Variants in FBXL4 observed in about 807,000 individuals in gnomAD.
FBXL4 encodes F-box/LRR-repeat protein 4.
FBXL4 carries 40 observed loss-of-function variants against 58.9 expected under a neutral mutation model. The ratio of observed to expected loss-of-function variants is 0.68; its 90% CI spans 0.53 to 0.88. The LOEUF is 0.88. Ranked by LOEUF, FBXL4 falls within the 40% of genes least tolerant of loss-of-function variation. The probability of loss-of-function intolerance (pLI) is 0.00; values close to 1 mark genes in which losing one functional copy is unlikely to be tolerated. For synonymous variants in FBXL4, 263 were observed against 265.5 expected (o/e 0.99, Z 0.09); for missense variants, 676 against 734.4 (o/e 0.92, Z 0.92).
At chr6:98,894,152 C>T (rs1273200316) in intron 7 of FBXL4, among the ~76,000 whole-genome samples, 3 of 152,192 alleles carry the variant, frequency 2.0e-5, no homozygotes, top group Non-Finnish European at 4.4e-5. Flanking sequence ...CAGGCATGAG[C>T]CCCTGAGCCC....
At position 98,869,289 on chromosome 6, in the gene FBXL4, G is replaced by A. The variant is rs1770433006; in HGVS notation, c.*4989C>T. On this transcript the variant is annotated 3_prime_UTR_variant, in exon 10 of 10. Coordinates refer to ENST00000369244, the MANE Select transcript of FBXL4 (RefSeq NM_001278716.2). The stretch of plus-strand genomic sequence containing the variant: ...ATGTAAATTCCTGTGTCTGTAATAG[G>A]TATCCTTTAATAGCTGAAAGTAACA... 1 of 152,164 alleles carries A rather than the reference G, an allele frequency of 6.6e-6. No individual in the cohort carries two copies. Among genetic ancestry groups the A allele is most frequent in the Non-Finnish European group, 1.5e-5 (1 of 68,032 alleles). The allele number at this position is 152,164 out of a possible 1,614,324, so 9.4% of individuals were successfully genotyped here. A position where few individuals can be genotyped will look rare whatever the true frequency, so the allele number is the denominator to read the frequency against.
rs10633715 is a variant in FBXL4, at chr6:98,920,819, TACACACAC to T, written c.513-3108_513-3101del. Among the ~76,000 whole-genome samples the T allele has an allele frequency of 1.8e-3, 254 of 144,908 alleles. 1 individual carries two copies. The highest frequency in any genetic ancestry group is 5.0e-3 in the East Asian group (24 of 4,834). On this transcript the variant is annotated intron_variant, in intron 4 of 9. Coordinates refer to ENST00000369244, the MANE Select transcript of FBXL4 (RefSeq NM_001278716.2). The stretch of plus-strand genomic sequence containing the variant: ...ACATGTACATATGGGTACACACACA[TACACACAC>T]ACACACACACACACACACACACACA...
At position 98,873,442 on chromosome 6, in the gene FBXL4, A is replaced by C. The variant is rs1770549399; in HGVS notation, c.*836T>G. 6.6e-6 allele frequency: 1 copy of C among 151,434 alleles called. No homozygotes were observed. The highest frequency in any genetic ancestry group is 6.6e-5 in the Admixed American group (1 of 15,174). 9.4% of individuals were successfully genotyped at this position (151,434 alleles called of 1,614,324 possible). A position where few individuals can be genotyped will look rare whatever the true frequency, so the allele number is the denominator to read the frequency against. The stretch of plus-strand genomic sequence containing the variant: ...AAACTTTACCTTTCACAAAATGTTA[A>C]GGCATCTGCTTCTAACAGTTGGAAA... On this transcript the variant is annotated 3_prime_UTR_variant, in exon 10 of 10. Transcript: ENST00000369244.
intron 5 of FBXL4, among the ~76,000 whole-genome samples, chr6:98,910,543 G>C (rs1352224942): frequency 6.6e-6 from 1 of 152,028 alleles, no homozygotes; most frequent in Non-Finnish European, 1.5e-5. Flanking sequence ...TGTAGTCCCA[G>C]CTACTCGGGA....
intron 4 of FBXL4, among the ~76,000 whole-genome samples, chr6:98,919,695 A>C (rs573124870): frequency 2.0e-5 from 3 of 152,340 alleles, no homozygotes; most frequent in African/African-American, 7.2e-5. Flanking sequence ...GCAGCAAAAC[A>C]GAGCTAGCCA....
At chr6:98,921,085 G>C (rs1316298386) in intron 4 of FBXL4, among the ~76,000 whole-genome samples, 1 of 152,116 alleles carries the variant, frequency 6.6e-6, no homozygotes, top group Admixed American at 6.5e-5. Context: ...CTTTGAGACT[G>C]GGCTTACAGT....
chr6:98,881,622 A>G (rs1350324105), intron 7 of FBXL4, among the ~76,000 whole-genome samples: 1 of 152,132 alleles, frequency 6.6e-6, no homozygotes, highest in East Asian at 1.9e-4. Flanking sequence ...TTGAGAAAAT[A>G]AAGTAATAAA....
intron 9 of FBXL4, 35 bp downstream of exon 9, chr6:98,875,378 CAG>C (rs1562213711): frequency 6.3e-7 from 1 of 1,599,076 alleles, no homozygotes. Flanking sequence ...GTCAAGGAAA[CAG>C]ACATTTAAAA....
intron 6 of FBXL4, among the ~76,000 whole-genome samples, chr6:98,901,896 A>G (rs1031938569): frequency 2.0e-5 from 3 of 152,304 alleles, no homozygotes; most frequent in South Asian, 2.1e-4. Flanking sequence ...GAATGCTCAC[A>G]AAGTATTTTT....
At chr6:98,913,399 A>G (rs1324847307) in intron 5 of FBXL4, among the ~76,000 whole-genome samples, 3 of 152,180 alleles carry the variant, frequency 2.0e-5, no homozygotes, top group Admixed American at 6.5e-5. Context: ...CACCACACCT[A>G]TTCCAAAATT....
At chr6:98,901,889 T>TGCTC (rs1277925821) in intron 6 of FBXL4, among the ~76,000 whole-genome samples, 1 of 152,200 alleles carries the variant, frequency 6.6e-6, no homozygotes, top group Admixed American at 6.5e-5. Context: ...ACATTGTGAA[T>TGCTC]GCTCACAAAG....
At chr6:98,931,162 A>G (rs1772997816) in intron 2 of FBXL4, among the ~76,000 whole-genome samples, 1 of 152,214 alleles carries the variant, frequency 6.6e-6, no homozygotes, top group Non-Finnish European at 1.5e-5. Flanking sequence ...CCCTTTCTTT[A>G]TAAAACTGTG....
chr6:98,917,329 C>A (rs1772397306), intron 5 of FBXL4, 45 bp downstream of exon 5: 16 of 1,280,160 alleles, frequency 1.2e-5, no homozygotes, highest in Non-Finnish European at 1.7e-5. Context: ...GATTAAAAAT[C>A]TATAGTGTTA....
intron 6 of FBXL4, among the ~76,000 whole-genome samples, chr6:98,904,876 C>G (rs1333382825): frequency 6.6e-6 from 1 of 152,158 alleles, no homozygotes; most frequent in Non-Finnish European, 1.5e-5. Flanking sequence ...AGTAAGGAAA[C>G]TAAATGCTTA....
rs555645606 is a variant in FBXL4, at chr6:98,903,835, A to G, written c.1103+1591T>C. On this transcript the variant is annotated intron_variant, in intron 6 of 9. Transcript: ENST00000369244. ...TCTACACATTAGTTACTACCCTGTT[A>G]CTCTGTTTATAAAAATAAGGGATAT... Among the ~76,000 whole-genome samples the G allele has an allele frequency of 1.2e-4, 19 of 152,102 alleles. No individual in the cohort carries two copies. In the South Asian group the frequency reaches 3.9e-3, roughly 32 times the overall value.
intron 1 of FBXL4, among the ~76,000 whole-genome samples, chr6:98,939,075 C>CAAAAAAAA (rs3068704): frequency 7.9e-5 from 2 of 25,258 alleles, no homozygotes; most frequent in Non-Finnish European, 1.1e-4. Flanking sequence ...GACCTTGTCT[C>CAAAAAAAA]AAAAAAAAAA....
chr6:98,892,704 G>GA (rs1254478061), intron 7 of FBXL4, among the ~76,000 whole-genome samples: 1 of 151,890 alleles, frequency 6.6e-6, no homozygotes, highest in Admixed American at 6.6e-5. Context: ...GGCACAGAAA[G>GA]AAAAAAATAG....
intron 7 of FBXL4, among the ~76,000 whole-genome samples, chr6:98,891,320 A>T (rs1467592540): frequency 6.6e-6 from 1 of 152,196 alleles, no homozygotes; most frequent in African/African-American, 2.4e-5. Context: ...GCTACCCTAG[A>T]CCACAGACTC....
intron 7 of FBXL4, among the ~76,000 whole-genome samples, chr6:98,893,309 C>T (rs1045961885): frequency 6.6e-6 from 1 of 152,152 alleles, no homozygotes; most frequent in African/African-American, 2.4e-5. Flanking sequence ...AATTTACTTG[C>T]TTACAATTCT....
Sources: gnomAD v4.1 joint callset for allele counts (sites outside exome capture counted in the v4.1 genomes callset) on GRCh38, gnomAD v4.1.1 for gene constraint, MANE v1.5 for transcripts, NCBI Gene and HGNC (gene_info 2026-07-23, HGNC 2026-07-21) for gene names.